Variants in CACNA2D3 observed in about 807,000 individuals in gnomAD.
The protein encoded by CACNA2D3 is calcium voltage-gated channel auxiliary subunit alpha2delta 3.
In CACNA2D3, 60 loss-of-function variants were observed where a neutral mutation model predicts 160.6. The observed-to-expected ratio is 0.37, with a 90% CI of 0.30 to 0.46. The LOEUF is 0.46. Among genes scored for constraint, CACNA2D3 ranks in the 20% least tolerant of loss-of-function variants. The pLI, the probability that CACNA2D3 is intolerant of heterozygous loss-of-function variation, is 1.00. For synonymous variants in CACNA2D3, 558 were observed against 492.9 expected, an observed-to-expected ratio of 1.13 and a Z score of -1.75; for missense variants, 1,205 against 1,365.0, an observed-to-expected ratio of 0.88 and a Z score of 1.85.
intron 2 of CACNA2D3, among the ~76,000 whole-genome samples, chr3:54,222,679 T>A (rs1290509404): frequency 6.6e-6 from 1 of 152,248 alleles, no homozygotes; most frequent in South Asian, 2.1e-4. Flanking sequence ...TAAACATTTG[T>A]GGAATTTTCT....
At chr3:54,177,745 C>T (rs1164632551) in intron 2 of CACNA2D3, 1 of 152,140 alleles carries the variant, frequency 6.6e-6, no homozygotes, top group Admixed American at 6.5e-5. Flanking sequence ...GCTGAGGCAA[C>T]GTTTTCTTAA....
intron 25 of CACNA2D3, chr3:54,894,645 G>A (rs770074513): frequency 1.9e-6 from 1 of 512,914 alleles, no homozygotes; most frequent in South Asian, 1.4e-5. Context: ...CTGCTCAGTC[G>A]TGGCTGCACC....
In CACNA2D3 at chr3:54,554,870, C is replaced by CTTTTTTTTTTTTTTTTTTTTTTTT. The variant is rs66526065; in HGVS notation, c.545-7909_545-7908insTTTTTTTTTTTTTTTTTTTTTTTT. On this transcript the variant is annotated intron_variant, in intron 5 of 37. Transcript: ENST00000474759. ...TTTCTTTTCTTTTCTCTCTCACTCTCTTTTTTTTTTTTTTTTTTTTTGGAG... is the reference window on the plus strand; with the variant it reads ...TTTCTTTTCTTTTCTCTCTCACTCTCTTTTTTTTTTTTTTTTTTTTTTTTTTTTTTTTTTTTTTTTTTTTTGGAG... Among the ~76,000 whole-genome samples the CTTTTTTTTTTTTTTTTTTTTTTTT allele has an allele frequency of 1.5e-4, 14 of 96,136 alleles. 1 individual carries two copies. The highest frequency in any genetic ancestry group is 2.6e-4 in the Admixed American group (2 of 7,640). The allele number at this position is 96,136 out of a possible 152,430, so 63.1% of individuals were successfully genotyped here. A position where few individuals can be genotyped will look rare whatever the true frequency, so the allele number is the denominator to read the frequency against.
chr3:54,686,597 C>G (rs183394367), intron 11 of CACNA2D3, among the ~76,000 whole-genome samples: 1 of 152,074 alleles, frequency 6.6e-6, no homozygotes, highest in Non-Finnish European at 1.5e-5. Context: ...AACTGTGGGC[C>G]GAGGTACCCT....
At chr3:54,226,670 A>G (rs893580414) in intron 2 of CACNA2D3, among the ~76,000 whole-genome samples, 3 of 151,880 alleles carry the variant, frequency 2.0e-5, no homozygotes, top group Non-Finnish European at 2.9e-5. Flanking sequence ...CTGAACTCCA[A>G]TTCCTGTCTT....
chr3:54,843,867 C>T (rs554804773), intron 16 of CACNA2D3, among the ~76,000 whole-genome samples: 21 of 152,208 alleles, frequency 1.4e-4, no homozygotes, highest in Admixed American at 4.6e-4. Context: ...TTGGTGGTGC[C>T]GCCTACTGAG....
chr3:54,142,510 T>A (rs1382393006), intron 2 of CACNA2D3, among the ~76,000 whole-genome samples: 1 of 152,184 alleles, frequency 6.6e-6, no homozygotes, highest in Non-Finnish European at 1.5e-5. Flanking sequence ...CCGTGGGCCC[T>A]TTCCTCAGCT....
intron 2 of CACNA2D3, among the ~76,000 whole-genome samples, chr3:54,269,617 C>A (rs1407249804): frequency 2.0e-5 from 3 of 152,038 alleles, no homozygotes; most frequent in African/African-American, 4.8e-5. Flanking sequence ...TAAAGAAAAT[C>A]CTGCAAGGAG....
intron 12 of CACNA2D3, among the ~76,000 whole-genome samples, chr3:54,754,176 G>A (rs779696122): frequency 1.3e-5 from 2 of 152,188 alleles, no homozygotes; most frequent in Non-Finnish European, 2.9e-5. Flanking sequence ...CACTGGGAAG[G>A]AAGTAATAGG....
chr3:54,607,463 G>T (rs1698656069), intron 9 of CACNA2D3, among the ~76,000 whole-genome samples: 1 of 152,002 alleles, frequency 6.6e-6, no homozygotes, highest in African/African-American at 2.4e-5. Flanking sequence ...CTGCATCATT[G>T]CCATCCCCTC....
At chr3:54,128,037 A>G (rs2107248205) in intron 2 of CACNA2D3, among the ~76,000 whole-genome samples, 1 of 152,156 alleles carries the variant, frequency 6.6e-6, no homozygotes, top group East Asian at 1.9e-4. Flanking sequence ...AGACCAACAG[A>G]TGCTACTCAA....
intron 16 of CACNA2D3, among the ~76,000 whole-genome samples, chr3:54,843,192 C>A (rs1698859559): frequency 6.6e-6 from 1 of 152,128 alleles, no homozygotes; most frequent in Non-Finnish European, 1.5e-5. Context: ...GAACTCCTGA[C>A]CTCAGGTGAT....
At chr3:54,713,303 G>A (rs961786799) in intron 11 of CACNA2D3, among the ~76,000 whole-genome samples, 6 of 152,194 alleles carry the variant, frequency 3.9e-5, no homozygotes, top group Non-Finnish European at 7.3e-5. Flanking sequence ...CAAGGTCTGA[G>A]CTCTCTTTGG....
In CACNA2D3 at chr3:55,072,536, C is replaced by A. The variant is rs138997890; in HGVS notation, c.2988-909C>A. On this transcript the variant is annotated intron_variant, in intron 35 of 37. Transcript: ENST00000474759. ...GAAGATAAAACTTTGGAGAAACTGACAATTTTGTTAATTTCCATTTGTTAA... is the reference window on the plus strand; with the variant it reads ...GAAGATAAAACTTTGGAGAAACTGAAAATTTTGTTAATTTCCATTTGTTAA... Among the ~76,000 whole-genome samples the A allele has an allele frequency of 3.9e-5, 6 of 152,318 alleles. No homozygotes were observed. The East Asian group carries it at 1.2e-3, about 29-fold the overall frequency.
At chr3:54,751,062 G>C (rs1038073772) in intron 11 of CACNA2D3, among the ~76,000 whole-genome samples, 1 of 151,964 alleles carries the variant, frequency 6.6e-6, no homozygotes, top group Admixed American at 6.6e-5. Context: ...GAGCCACTGC[G>C]CTCAGCTGGA....
At chr3:54,404,307 G>A (rs768224347) in intron 4 of CACNA2D3, among the ~76,000 whole-genome samples, 5 of 152,112 alleles carry the variant, frequency 3.3e-5, no homozygotes, top group Non-Finnish European at 7.4e-5. Context: ...ATGATCGAGA[G>A]AGATGTATCC....
intron 3 of CACNA2D3, among the ~76,000 whole-genome samples, chr3:54,370,271 G>GC (rs1428984938): frequency 2.6e-5 from 4 of 152,146 alleles, no homozygotes; most frequent in African/African-American, 9.7e-5. Flanking sequence ...GTTCTTAGAT[G>GC]CCAGTAGTTG....
rs150071874 is a variant in CACNA2D3 at position 54,662,017 on chromosome 3, T to C, written c.1167+19776T>C. On this transcript the variant is annotated intron_variant, in intron 11 of 37. Transcript: ENST00000474759. ...AATGACACCATCTTATAGTTAAAATTAGATATTATTTTGGGGTTTCTCTGT... is the reference window on the plus strand; with the variant it reads ...AATGACACCATCTTATAGTTAAAATCAGATATTATTTTGGGGTTTCTCTGT... 4.5e-3 allele frequency among the ~76,000 whole-genome samples: 685 copies of C among 152,250 alleles called. 7 individuals are homozygous for C. The highest frequency in any genetic ancestry group is 0.015 in the African/African-American group (643 of 41,544).
Position 54,968,354 on chromosome 3 carries a change from T to A in CACNA2D3, c.2450-96T>A. The A allele has an allele frequency of 5.1e-6, 4 of 782,500 alleles. No individual in the cohort carries two copies. In the South Asian group the frequency reaches 6.0e-5, roughly 12 times the overall value. The allele number at this position is 782,500 out of a possible 1,614,324, so 48.5% of individuals were successfully genotyped here. On this transcript the variant is annotated intron_variant, in intron 27 of 37. Coordinates refer to ENST00000474759, the MANE Select transcript of CACNA2D3 (RefSeq NM_018398.3). Reference sequence around the variant, plus strand: ...GTACATTTTATTTTATATGCTTATATCAGCTTCTTGCCATGACGGATAATT... The same window carrying A: ...GTACATTTTATTTTATATGCTTATAACAGCTTCTTGCCATGACGGATAATT...
Sources: gnomAD v4.1 joint callset for allele counts (sites outside exome capture counted in the v4.1 genomes callset) on GRCh38, gnomAD v4.1.1 for gene constraint, MANE v1.5 for transcripts, NCBI Gene and HGNC (gene_info 2026-07-23, HGNC 2026-07-21) for gene names.